CHRNB3: variants seen among roughly 807,000 people sequenced by gnomAD.
CHRNB3 encodes the protein cholinergic receptor nicotinic beta 3 subunit, also known as neuronal acetylcholine receptor subunit beta-3.
In CHRNB3, 37 loss-of-function variants were observed where a neutral mutation model predicts 40.6. That is an observed-to-expected ratio of 0.91 (90% confidence interval 0.70 to 1.20). CHRNB3 has a LOEUF of 1.20. Among genes scored for constraint, CHRNB3 ranks in the 50% most tolerant of loss-of-function variants. CHRNB3 has a pLI of 0.00. For synonymous variants in CHRNB3, 207 were observed against 207.1 expected (o/e 1.00, Z 0.00); for missense variants, 505 against 551.2 (o/e 0.92, Z 0.84).
At chr8:42,706,669 C>T (rs1035700399) in intron 1 of CHRNB3, among the ~76,000 whole-genome samples, 1 of 152,162 alleles carries the variant, frequency 6.6e-6, no homozygotes, top group African/African-American at 2.4e-5. Flanking sequence ...TTTCCTGGCT[C>T]TTTACAGACT....
intron 3 of CHRNB3, among the ~76,000 whole-genome samples, chr8:42,729,770 T>C (rs1816371194): frequency 6.6e-6 from 1 of 152,146 alleles, no homozygotes; most frequent in South Asian, 2.1e-4. Context: ...AATTTTAATT[T>C]TCAGGTCAGA....
At chr8:42,698,073 A>T (rs1482879230) in intron 1 of CHRNB3, among the ~76,000 whole-genome samples, 1 of 152,196 alleles carries the variant, frequency 6.6e-6, no homozygotes, top group Non-Finnish European at 1.5e-5. Flanking sequence ...TAGATTTAGC[A>T]TGTTTATATA....
chr8:42,711,995 C>G (rs140455028), intron 3 of CHRNB3, among the ~76,000 whole-genome samples: 1,651 of 151,788 alleles, frequency 0.011, 33 homozygotes, highest in African/African-American at 0.038. Flanking sequence ...GTTTGTTTTT[C>G]TTTTTCTTTT....
intron 3 of CHRNB3, among the ~76,000 whole-genome samples, chr8:42,729,781 T>C (rs1018412107): frequency 1.3e-5 from 2 of 152,132 alleles, no homozygotes; most frequent in Admixed American, 6.5e-5. Flanking sequence ...TCAGGTCAGA[T>C]TTCCTATGAT....
chr8:42,736,004 T>C (rs1816517424), intron 5 of CHRNB3, among the ~76,000 whole-genome samples: 1 of 152,166 alleles, frequency 6.6e-6, no homozygotes, highest in Admixed American at 6.6e-5. Context: ...TAGCTGAGAT[T>C]ACAGGTGCCC....
At chr8:42,709,946 A>G (rs907184962) in intron 2 of CHRNB3, among the ~76,000 whole-genome samples, 10 of 152,136 alleles carry the variant, frequency 6.6e-5, no homozygotes, top group African/African-American at 2.4e-4. Context: ...TTGTACCTTT[A>G]AAGTGCCTTC....
chr8:42,722,356 C>T (rs1306713044), intron 3 of CHRNB3, among the ~76,000 whole-genome samples: 1 of 151,228 alleles, frequency 6.6e-6, no homozygotes, highest in Non-Finnish European at 1.5e-5. Context: ...CAGAGTGAGA[C>T]TCCATTAAAA....
intron 1 of CHRNB3, among the ~76,000 whole-genome samples, chr8:42,708,218 G>A (rs1051812634): frequency 4.6e-5 from 7 of 152,194 alleles, no homozygotes; most frequent in Admixed American, 3.3e-4. Context: ...TGTAATCCCA[G>A]CACTTTGGGA....
intron 3 of CHRNB3, among the ~76,000 whole-genome samples, chr8:42,716,168 G>C (rs752500994): frequency 6.6e-6 from 1 of 151,932 alleles, no homozygotes; most frequent in Non-Finnish European, 1.5e-5. Context: ...TAGAGACGAG[G>C]GTTTCATCAT....
At chr8:42,735,924 G>C (rs1816516018) in intron 5 of CHRNB3, among the ~76,000 whole-genome samples, 1 of 152,188 alleles carries the variant, frequency 6.6e-6, no homozygotes, top group African/African-American at 2.4e-5. Flanking sequence ...ACCCTAGTAA[G>C]ATATACTGGC....
intron 3 of CHRNB3, among the ~76,000 whole-genome samples, chr8:42,723,947 G>C (rs1318759577): frequency 6.6e-6 from 1 of 151,942 alleles, no homozygotes; most frequent in Non-Finnish European, 1.5e-5. Flanking sequence ...TTAGCTGGGC[G>C]TGATGGTGGA....
At chr8:42,708,692 A>G in intron 1 of CHRNB3, 25 bp from the exon 2 acceptor site, 1 of 1,611,526 alleles carries the variant, frequency 6.2e-7, no homozygotes, top group South Asian at 1.1e-5. Context: ...CCATTAACCC[A>G]GGTCCACCCA....
chr8:42,704,929 T>C (rs1815895810), intron 1 of CHRNB3, among the ~76,000 whole-genome samples: 1 of 152,176 alleles, frequency 6.6e-6, no homozygotes, highest in Non-Finnish European at 1.5e-5. Context: ...AAATAGGAGA[T>C]TGCTTTTCTC....
intron 3 of CHRNB3, among the ~76,000 whole-genome samples, chr8:42,710,837 G>T (rs1366063997): frequency 6.6e-6 from 1 of 152,174 alleles, no homozygotes; most frequent in Non-Finnish European, 1.5e-5. Flanking sequence ...GTCCTCTGTG[G>T]GTAGAATCTA....
chr8:42,701,765 G>A (rs1424407738), intron 1 of CHRNB3, among the ~76,000 whole-genome samples: 1 of 152,168 alleles, frequency 6.6e-6, no homozygotes, highest in Non-Finnish European at 1.5e-5. Flanking sequence ...AGCAGCTTGA[G>A]TGAAGGGCTG....
intron 2 of CHRNB3, 133 bp from the exon 3 acceptor site, chr8:42,710,257 G>A: frequency 5.9e-6 from 4 of 682,748 alleles, no homozygotes; most frequent in Non-Finnish European, 1.0e-5. Flanking sequence ...GGTTGAGGGT[G>A]CAGTGAGCTA....
At chr8:42,712,991 A>G (rs1330824690) in intron 3 of CHRNB3, among the ~76,000 whole-genome samples, 1 of 150,690 alleles carries the variant, frequency 6.6e-6, no homozygotes, top group African/African-American at 2.4e-5. Flanking sequence ...CCTCCTGAGT[A>G]GCTGGGACTA....
At chr8:42,717,243 G>A (rs376337964) in intron 3 of CHRNB3, among the ~76,000 whole-genome samples, 3 of 139,536 alleles carry the variant, frequency 2.1e-5, no homozygotes, top group South Asian at 5.0e-4. Context: ...GCGTAGTGGC[G>A]GGCGCCTGTA....
At chr8:42,700,185 T>C (rs1452715033) in intron 1 of CHRNB3, among the ~76,000 whole-genome samples, 1 of 151,906 alleles carries the variant, frequency 6.6e-6, no homozygotes. Context: ...AGCTAATATT[T>C]TTTGTATTTT....
Sources: gnomAD v4.1 joint callset for allele counts (sites outside exome capture counted in the v4.1 genomes callset) on GRCh38, gnomAD v4.1.1 for gene constraint, MANE v1.5 for transcripts, NCBI Gene and HGNC (gene_info 2026-07-23, HGNC 2026-07-21) for gene names.